Variants in GRID2 observed in about 807,000 individuals in gnomAD.
The protein encoded by GRID2 is glutamate ionotropic receptor delta type subunit 2, also known as glutamate receptor ionotropic, delta-2.
GRID2 carries 33 observed loss-of-function variants against 114.8 expected under a neutral mutation model. The ratio of observed to expected loss-of-function variants is 0.29; its 90% CI spans 0.22 to 0.38. GRID2 has a LOEUF of 0.38. Ranked by LOEUF, GRID2 falls within the 10% of genes least tolerant of loss-of-function variation. The pLI, the probability that GRID2 is intolerant of heterozygous loss-of-function variation, is 1.00. For synonymous variants in GRID2, 505 were observed against 449.9 expected, an observed-to-expected ratio of 1.12 and a Z score of -1.55; for missense variants, 1,184 against 1,257.7, an observed-to-expected ratio of 0.94 and a Z score of 0.89.
At chr4:92,790,124 A>G (rs1739508974) in intron 2 of GRID2, among the ~76,000 whole-genome samples, 1 of 151,868 alleles carries the variant, frequency 6.6e-6, no homozygotes, top group Non-Finnish European at 1.5e-5. Context: ...GTATGCGTGT[A>G]TACATATATA....
intron 1 of GRID2, among the ~76,000 whole-genome samples, chr4:92,503,019 A>G (rs1179870839): frequency 6.6e-6 from 1 of 151,908 alleles, no homozygotes; most frequent in African/African-American, 2.4e-5. Flanking sequence ...TTCAAAAGCA[A>G]AGATAAAAAA....
chr4:93,480,858 C>G (rs181353183), intron 11 of GRID2, among the ~76,000 whole-genome samples: 1 of 151,948 alleles, frequency 6.6e-6, no homozygotes, highest in African/African-American at 2.4e-5. Context: ...GAGAGGTGAC[C>G]AAGTTTCTTG....
intron 8 of GRID2, among the ~76,000 whole-genome samples, chr4:93,361,780 A>G (rs1311976506): frequency 6.6e-6 from 1 of 152,100 alleles, no homozygotes; most frequent in East Asian, 1.9e-4. Flanking sequence ...ACTGAGGTAA[A>G]TAGTATTAAT....
rs1736295711 is a variant in GRID2 at position 92,730,836 on chromosome 4, GC to G, written c.244+140551del. Among the ~76,000 whole-genome samples, 3 of 152,044 alleles carry G rather than the reference GC, an allele frequency of 2.0e-5. No homozygotes were observed. The South Asian group carries it at 6.2e-4, about 32-fold the overall frequency. On this transcript the variant is annotated intron_variant, in intron 2 of 15. Coordinates refer to ENST00000282020, the MANE Select transcript of GRID2 (RefSeq NM_001510.4). ...CACAAAGCTGTTAATTCAAATCTTT[GC>G]AGAAGATAGTAAATTATTCAGAAAT... is the stretch of plus-strand genomic sequence containing the variant.
Position 92,574,701 on chromosome 4 carries a change from G to T in GRID2, c.89-15430G>T, listed in dbSNP as rs185573227. The stretch of plus-strand genomic sequence containing the variant: ...CTGCTGAGAGGTCCACTGTTAGTCT[G>T]ATGGGCTTCCCTTTGTCGGTCACCT... On this transcript the variant is annotated intron_variant, in intron 1 of 15. Coordinates refer to ENST00000282020, the MANE Select transcript of GRID2 (RefSeq NM_001510.4). Among the ~76,000 whole-genome samples the T allele has an allele frequency of 3.9e-5, 6 of 152,226 alleles. No individual in the cohort carries two copies. In the East Asian group the frequency reaches 9.7e-4, roughly 25 times the overall value.
intron 2 of GRID2, among the ~76,000 whole-genome samples, chr4:92,598,738 G>A (rs1278835654): frequency 1.3e-5 from 2 of 152,024 alleles, no homozygotes; most frequent in African/African-American, 4.8e-5. Context: ...ATGATTATAT[G>A]GGATTGTAAA....
intron 1 of GRID2, among the ~76,000 whole-genome samples, chr4:92,502,841 C>T (rs1343200411): frequency 6.7e-6 from 1 of 149,338 alleles, no homozygotes; most frequent in East Asian, 2.0e-4. Context: ...CCCCAGCCTA[C>T]TGAATAGCTG....
intron 2 of GRID2, among the ~76,000 whole-genome samples, chr4:92,891,242 A>G (rs534354712): frequency 9.9e-5 from 15 of 152,254 alleles, no homozygotes; most frequent in African/African-American, 3.6e-4. Flanking sequence ...TTCTGCACAT[A>G]TATCCCAGAA....
At chr4:92,553,797 T>C (rs1320515690) in intron 1 of GRID2, among the ~76,000 whole-genome samples, 1 of 152,056 alleles carries the variant, frequency 6.6e-6, no homozygotes, top group Admixed American at 6.6e-5. Context: ...ACTACAGGCA[T>C]GTGCTACCAT....
chr4:92,959,085 G>T (rs1578603343), intron 2 of GRID2, among the ~76,000 whole-genome samples: 7 of 126,256 alleles, frequency 5.5e-5, no homozygotes, highest in South Asian at 5.0e-4. Context: ...TCCTTAGCCT[G>T]GCTAAAGGCA....
At chr4:93,108,780 G>A (rs1233994475) in intron 3 of GRID2, among the ~76,000 whole-genome samples, 1 of 151,844 alleles carries the variant, frequency 6.6e-6, no homozygotes, top group Non-Finnish European at 1.5e-5. Context: ...ACAGGCGTGT[G>A]CCACCACGCC....
chr4:93,093,993 A>G (rs1273933078), intron 3 of GRID2, among the ~76,000 whole-genome samples: 1 of 152,038 alleles, frequency 6.6e-6, no homozygotes. Flanking sequence ...AACACCATTT[A>G]TTTCAGCTCA....
In GRID2 at chr4:93,320,239, G is replaced by A. The variant is rs920763126; in HGVS notation, c.1246-75368G>A. On this transcript the variant is annotated intron_variant, in intron 8 of 15. Transcript: ENST00000282020. ...GGGGTGGACAGGTAATCATGTCAGCGATGATTATTGGCATAAAAAAGAAAC... is the reference window on the plus strand; with the variant it reads ...GGGGTGGACAGGTAATCATGTCAGCAATGATTATTGGCATAAAAAAGAAAC... 2.6e-5 allele frequency among the ~76,000 whole-genome samples: 4 copies of A among 152,056 alleles called. No individual in the cohort carries two copies. The East Asian group carries it at 5.8e-4, about 22-fold the overall frequency.
intron 12 of GRID2, among the ~76,000 whole-genome samples, chr4:93,503,843 A>G (rs926128334): frequency 6.6e-6 from 1 of 152,114 alleles, no homozygotes; most frequent in Admixed American, 6.6e-5. Flanking sequence ...TAAAAAAAAT[A>G]TTTATTTTGA....
chr4:92,748,966 CAGATTCTG>C (rs906549237), intron 2 of GRID2, among the ~76,000 whole-genome samples: 3 of 151,722 alleles, frequency 2.0e-5, no homozygotes, highest in African/African-American at 7.3e-5. Flanking sequence ...CCTCACCCAG[CAGATTCTG>C]ATTTGTACCA....
chr4:93,367,858 G>C (rs1356333623), intron 8 of GRID2, among the ~76,000 whole-genome samples: 1 of 152,110 alleles, frequency 6.6e-6, no homozygotes, highest in Non-Finnish European at 1.5e-5. Flanking sequence ...GTGAGTGTTG[G>C]ATTGAATTAT....
At chr4:92,954,621 T>TA (rs1451643538) in intron 2 of GRID2, among the ~76,000 whole-genome samples, 5 of 151,034 alleles carry the variant, frequency 3.3e-5, no homozygotes, top group Non-Finnish European at 5.9e-5. Context: ...CTTTTTTTTT[T>TA]ATTATTATTA....
chr4:93,366,548 C>G (rs1762355234), intron 8 of GRID2, among the ~76,000 whole-genome samples: 1 of 152,056 alleles, frequency 6.6e-6, no homozygotes, highest in African/African-American at 2.4e-5. Context: ...GTCCTGTGGT[C>G]TTGTGATCTT....
At chr4:93,426,809 TAAA>T (rs1293704050) in intron 10 of GRID2, among the ~76,000 whole-genome samples, 4 of 152,180 alleles carry the variant, frequency 2.6e-5, no homozygotes, top group African/African-American at 4.8e-5. Flanking sequence ...AATTGAGGCT[TAAA>T]GAAGCAGACA....
Sources: allele counts gnomAD v4.1 joint callset (sites outside exome capture counted in the v4.1 genomes callset), GRCh38; gene constraint gnomAD v4.1.1; transcripts MANE v1.5; gene names NCBI Gene and HGNC (gene_info 2026-07-23, HGNC 2026-07-21).